Variants in RARB observed in about 807,000 individuals in gnomAD.
RARB encodes HBV-activated protein.
Under a neutral mutation model 51.9 loss-of-function variants are expected in RARB, and 17 were observed. The observed-to-expected ratio is 0.33, with a 90% CI of 0.22 to 0.49. RARB has a LOEUF of 0.49. Ranked by LOEUF, RARB falls within the 20% of genes least tolerant of loss-of-function variation. The probability of loss-of-function intolerance (pLI) is 0.99; values close to 1 mark genes in which losing one functional copy is unlikely to be tolerated. For synonymous variants in RARB, 215 were observed against 195.4 expected (o/e 1.10, Z -0.84); for missense variants, 369 against 550.8 (o/e 0.67, Z 3.30).
intron 5 of RARB, among the ~76,000 whole-genome samples, chr3:25,404,377 C>G (rs1707348541): frequency 6.6e-6 from 1 of 152,168 alleles, no homozygotes; most frequent in Non-Finnish European, 1.5e-5. Context: ...AGTTGACTTG[C>G]TAATGCTTAT....
intron 1 of RARB, among the ~76,000 whole-genome samples, chr3:25,440,831 A>G (rs1354454084): frequency 1.3e-5 from 2 of 152,150 alleles, no homozygotes; most frequent in East Asian, 3.8e-4. Context: ...GAAAAATTTA[A>G]CAGATTTATT....
At chr3:24,996,760 T>C (rs1697048882) in intron 2 of RARB, among the ~76,000 whole-genome samples, 1 of 152,114 alleles carries the variant, frequency 6.6e-6, no homozygotes. Context: ...TTGTAAAGTT[T>C]TGAATGTTCC....
chr3:25,523,023 G>C (rs968960642), intron 3 of RARB, among the ~76,000 whole-genome samples: 5 of 152,164 alleles, frequency 3.3e-5, no homozygotes, highest in Non-Finnish European at 7.4e-5. Context: ...TGTTTGATTT[G>C]GTGACAACTA....
Position 25,501,271 on chromosome 3 carries a change from A to T in RARB, c.396A>T (p.Arg132=), listed in dbSNP as rs1697301336. The change falls in exon 3 of 8, where the codon CGA becomes CGT. Residue 132 remains arginine, a synonymous_variant. Transcript: ENST00000330688. ...NCVINKVTRN[R]CQYCRLQKCF... is the part of the protein sequence containing the mutation. ...TTATTAATAAAGTCACCAGGAATCG[A>T]TGCCAATACTGTCGACTCCAGAAGT... The T allele has an allele frequency of 6.2e-7, 1 of 1,612,184 alleles. No homozygotes were observed. The highest frequency in any genetic ancestry group is 8.5e-7 in the Non-Finnish European group (1 of 1,179,476).
intron 4 of RARB, among the ~76,000 whole-genome samples, chr3:25,572,770 G>A (rs557628953): frequency 6.6e-6 from 1 of 152,226 alleles, no homozygotes; most frequent in East Asian, 1.9e-4. Flanking sequence ...ACTTTATATG[G>A]CAATACCTAG....
intron 2 of RARB, among the ~76,000 whole-genome samples, chr3:25,004,961 A>G (rs1434454284): frequency 6.6e-6 from 1 of 152,104 alleles, no homozygotes; most frequent in Non-Finnish European, 1.5e-5. Flanking sequence ...CTGTTTAGCC[A>G]ATGGAAGTTT....
intron 2 of RARB, among the ~76,000 whole-genome samples, chr3:25,469,183 G>T (rs1026717186): frequency 6.6e-6 from 1 of 152,218 alleles, no homozygotes; most frequent in Non-Finnish European, 1.5e-5. Context: ...GGTTTTCCTG[G>T]CAGACAGCAA....
chr3:25,379,726 T>A (rs1361514980), intron 5 of RARB, among the ~76,000 whole-genome samples: 1 of 152,210 alleles, frequency 6.6e-6, no homozygotes, highest in Non-Finnish European at 1.5e-5. Context: ...ATTTTGTAGA[T>A]CTGAGACATT....
intron 1 of RARB, among the ~76,000 whole-genome samples, chr3:25,457,962 G>A (rs984735167): frequency 1.7e-4 from 26 of 152,322 alleles, no homozygotes; most frequent in African/African-American, 6.3e-4. Context: ...GAAGCACATG[G>A]ATGGAAGTAG....
intron 5 of RARB, among the ~76,000 whole-genome samples, chr3:25,330,826 A>C (rs1381433635): frequency 2.0e-5 from 3 of 152,192 alleles, no homozygotes; most frequent in African/African-American, 4.8e-5. Context: ...AGGATCTACC[A>C]AGCAAATGGA....
chr3:25,218,560 T>C (rs1368742795), intron 5 of RARB, among the ~76,000 whole-genome samples: 2 of 152,156 alleles, frequency 1.3e-5, no homozygotes, highest in African/African-American at 2.4e-5. Context: ...ACCAGTGGTT[T>C]CTTGAACTGG....
At chr3:25,014,148 T>C (rs370036975) in intron 2 of RARB, among the ~76,000 whole-genome samples, 36 of 152,274 alleles carry the variant, frequency 2.4e-4, no homozygotes, top group African/African-American at 8.4e-4. Context: ...TTTTGTGGCA[T>C]ATGTTTTTTC....
chr3:25,464,962 C>T (rs1695357238), intron 2 of RARB, among the ~76,000 whole-genome samples: 1 of 152,034 alleles, frequency 6.6e-6, no homozygotes, highest in Non-Finnish European at 1.5e-5. Flanking sequence ...ATTTATTTAA[C>T]TGATTAAGGT....
At chr3:25,307,386 C>CAA (rs572540162) in intron 5 of RARB, among the ~76,000 whole-genome samples, 4 of 127,062 alleles carry the variant, frequency 3.1e-5, no homozygotes, top group Non-Finnish European at 5.1e-5. Context: ...AACTCTGTCT[C>CAA]AAAAAAAAAA....
At chr3:25,287,493 AG>A in intron 5 of RARB, among the ~76,000 whole-genome samples, 1 of 152,288 alleles carries the variant, frequency 6.6e-6, no homozygotes, top group African/African-American at 2.4e-5. Flanking sequence ...GGAGGGCAGG[AG>A]GGGGAAGCAT....
intron 2 of RARB, among the ~76,000 whole-genome samples, chr3:24,860,961 T>G (rs921680210): frequency 6.6e-6 from 1 of 152,178 alleles, no homozygotes; most frequent in Admixed American, 6.5e-5. Flanking sequence ...GGTTCGTATA[T>G]TTTGTGAAAC....
chr3:25,054,354 G>A (rs1163739207), intron 2 of RARB, among the ~76,000 whole-genome samples: 1 of 152,168 alleles, frequency 6.6e-6, no homozygotes, highest in Non-Finnish European at 1.5e-5. Context: ...GGAGCCATGT[G>A]AATGCCTCTA....
intron 3 of RARB, among the ~76,000 whole-genome samples, chr3:25,080,598 T>C (rs1698974225): frequency 6.6e-6 from 1 of 152,218 alleles, no homozygotes; most frequent in African/African-American, 2.4e-5. Context: ...TGTTTTGAAT[T>C]TAGCCATCCT....
intron 3 of RARB, among the ~76,000 whole-genome samples, chr3:25,104,864 A>G (rs749531886): frequency 2.0e-5 from 3 of 151,948 alleles, no homozygotes; most frequent in Non-Finnish European, 4.4e-5. Context: ...GTGTAGATAC[A>G]CACATATGCA....
Sources: allele counts gnomAD v4.1 joint callset (sites outside exome capture counted in the v4.1 genomes callset), GRCh38; gene constraint gnomAD v4.1.1; transcripts MANE v1.5; gene names NCBI Gene and HGNC (gene_info 2026-07-23, HGNC 2026-07-21).